The following CYFIP2 variants were observed in gnomAD, a reference collection of about 807,000 sequenced individuals.
CYFIP2 encodes cytoplasmic FMR1-interacting protein 2.
A neutral mutation model predicts 158.7 loss-of-function variants in CYFIP2; 29 were observed. The observed-to-expected ratio is 0.18, with a 90% confidence interval of 0.14 to 0.25. The LOEUF (loss-of-function observed/expected upper bound fraction) is 0.25, where lower values mean the gene tolerates loss of function less well. CYFIP2 is among the 10% of genes least tolerant of loss of function. The pLI is 1.00. For synonymous variants in CYFIP2, 585 were observed against 617.6 expected (o/e 0.95, Z 0.78); for missense variants, 852 against 1,639.5 (o/e 0.52, Z 8.29).
In CYFIP2 at chr5:157,266,676, C is replaced by G. The variant is rs1447129455; in HGVS notation, c.-24+481C>G. On this transcript the variant is annotated intron_variant, in intron 1 of 30. Transcript: ENST00000620254. The surrounding 1 kb of genome is among the most constrained non-coding windows in gnomAD (Gnocchi z 4.2). ...GAGCCGCCTGGGCCCGCCTGGCAGCCGCCTCGGGCACACAGAACGTGTGAT... is the reference window on the plus strand; with the variant it reads ...GAGCCGCCTGGGCCCGCCTGGCAGCGGCCTCGGGCACACAGAACGTGTGAT... 6.5e-6 allele frequency: 1 copy of G among 152,674 alleles called. No homozygotes were observed. Among genetic ancestry groups the G allele is most frequent in the Non-Finnish European group, 1.5e-5 (1 of 68,500 alleles). The allele number at this position is 152,674 out of a possible 1,614,324, so 9.5% of individuals were successfully genotyped here.
At chr5:157,352,957 C>T (rs549946888) in intron 23 of CYFIP2, among the ~76,000 whole-genome samples, 127 of 152,152 alleles carry the variant, frequency 8.3e-4, no homozygotes, top group Admixed American at 2.7e-3. Context: ...GCTGCAAGCC[C>T]GGGATTGCCG....
intron 21 of CYFIP2, 56 bp downstream of exon 21, chr5:157,333,502 C>A (rs979398415): frequency 2.5e-6 from 4 of 1,612,414 alleles, no homozygotes; most frequent in Non-Finnish European, 2.5e-6. Context: ...GACTAGAAGC[C>A]TAGATGGGGA....
At chr5:157,272,124 C>T (rs921296063) in intron 1 of CYFIP2, among the ~76,000 whole-genome samples, 7 of 152,184 alleles carry the variant, frequency 4.6e-5, no homozygotes, top group Non-Finnish European at 1.0e-4. Context: ...AGGGGAAAGT[C>T]CTTTAGCCCC....
chr5:157,319,621 C>T, intron 13 of CYFIP2, 141 bp from the exon 14 acceptor site: 1 of 937,718 alleles, frequency 1.1e-6, no homozygotes, highest in Non-Finnish European at 1.6e-6. Flanking sequence ...CTTACCTAGC[C>T]ATGCGCTGGC....
chr5:157,330,394 G>A (rs568814371), intron 19 of CYFIP2, among the ~76,000 whole-genome samples: 7 of 151,900 alleles, frequency 4.6e-5, no homozygotes, highest in East Asian at 1.9e-4. Flanking sequence ...TTCCTCACTC[G>A]AATATAAACT....
chr5:157,313,823 A>G (rs750338361), intron 11 of CYFIP2, among the ~76,000 whole-genome samples: 1 of 152,254 alleles, frequency 6.6e-6, no homozygotes, highest in Non-Finnish European at 1.5e-5. Flanking sequence ...TCAGTGATTC[A>G]TGTCTAATGA....
At chr5:157,292,197 T>A (rs559201145) in intron 3 of CYFIP2, among the ~76,000 whole-genome samples, 1 of 140,910 alleles carries the variant, frequency 7.1e-6, no homozygotes, top group African/African-American at 2.5e-5. Flanking sequence ...TTCTTTCTTT[T>A]TCTTTTTTCT....
chr5:157,388,307 G>A (rs1010680561), intron 28 of CYFIP2, among the ~76,000 whole-genome samples: 1 of 152,194 alleles, frequency 6.6e-6, no homozygotes, highest in African/African-American at 2.4e-5. Context: ...TAGATATGCA[G>A]TAGCCAGAAC....
intron 23 of CYFIP2, 64 bp from the exon 24 acceptor site, chr5:157,358,941 C>T: frequency 1.3e-6 from 2 of 1,597,282 alleles, no homozygotes; most frequent in Non-Finnish European, 8.6e-7. Context: ...AGAACATCTG[C>T]CAGGACTCCA....
At chr5:157,385,442 A>G (rs1010007785) in intron 28 of CYFIP2, among the ~76,000 whole-genome samples, 3 of 152,212 alleles carry the variant, frequency 2.0e-5, no homozygotes, top group Non-Finnish European at 4.4e-5. Context: ...TACTCGTAAG[A>G]TATCTAGGAG....
Position 157,361,735 on chromosome 5 carries a change from A to G in CYFIP2, c.3039+137A>G, listed in dbSNP as rs574083845. 59 of 1,127,994 alleles carry G rather than the reference A, an allele frequency of 5.2e-5. No homozygotes were observed. The African/African-American group carries it at 8.4e-4, about 16-fold the overall frequency. The allele number at this position is 1,127,994 out of a possible 1,614,324, so 69.9% of individuals were successfully genotyped here. On this transcript the variant is annotated intron_variant, in intron 26 of 30. Coordinates refer to ENST00000620254, the MANE Select transcript of CYFIP2 (RefSeq NM_001037333.3). The surrounding 1 kb of genome is among the most constrained non-coding windows in gnomAD (Gnocchi z 4.4). ...CATGCTCTTTTCAGTTCATTTCCAG[A>G]CAGACATGGATTCTAGTCCTGGCTC...
intron 26 of CYFIP2, among the ~76,000 whole-genome samples, chr5:157,372,953 A>G (rs1765131944): frequency 6.6e-6 from 1 of 152,220 alleles, no homozygotes; most frequent in Non-Finnish European, 1.5e-5. Context: ...GCTCTGTTTA[A>G]GAGAAATGTC....
At chr5:157,360,185 C>A in intron 24 of CYFIP2, 97 bp from the exon 25 acceptor site, 2 of 982,852 alleles carry the variant, frequency 2.0e-6, no homozygotes, top group Non-Finnish European at 3.0e-6. Context: ...CGCCTTTAGG[C>A]AAGAGCCTGC....
Position 157,394,835 on chromosome 5 carries a change from T to G in CYFIP2, c.*1835T>G, listed in dbSNP as rs1767619649. ...TCTATTCTGGTTTCTGACTTTTCCT[T>G]CTTGATGACCATAGATGTGTTCCAG... On this transcript the variant is annotated 3_prime_UTR_variant, in exon 31 of 31. Coordinates refer to ENST00000620254, the MANE Select transcript of CYFIP2 (RefSeq NM_001037333.3). 1 of 152,222 alleles carries G rather than the reference T, an allele frequency of 6.6e-6. No homozygotes were observed. The highest frequency in any genetic ancestry group is 2.4e-5 in the African/African-American group (1 of 41,450). 9.4% of individuals were successfully genotyped at this position (152,222 alleles called of 1,614,324 possible).
chr5:157,314,360 G>A lies in CYFIP2; in HGVS notation c.1127G>A (p.Gly376Glu). The A allele has an allele frequency of 6.2e-7, 1 of 1,613,844 alleles. No individual in the cohort carries two copies. Among genetic ancestry groups the A allele is most frequent in the African/African-American group, 1.3e-5 (1 of 75,030 alleles). ...GCTCCCCAGGTGGTGACGGGCTCAG[G>A]GCTGGACAGCCAGAAGTCAGACGAG... is the stretch of plus-strand genomic sequence containing the variant. The part of the protein sequence containing the change: ...YSNSEVVTGS[G>E]LDSQKSDEEY... The change falls in exon 12 of 31, where the codon GGG becomes GAG. Residue 376 changes from glycine (G) to glutamate (E), a missense_variant. Gly to Glu is a moderately conservative substitution (Grantham distance 98, BLOSUM62 -2). Coordinates refer to ENST00000620254, the MANE Select transcript of CYFIP2 (RefSeq NM_001037333.3).
chr5:157,322,913 C>T, intron 15 of CYFIP2: 3 of 1,527,116 alleles, frequency 2.0e-6, no homozygotes, highest in South Asian at 1.2e-5. Flanking sequence ...CTCCCATTCC[C>T]TCTTCCTTCT....
chr5:157,331,607 G>C (rs1400348860), intron 20 of CYFIP2, among the ~76,000 whole-genome samples: 2 of 152,038 alleles, frequency 1.3e-5, no homozygotes, highest in African/African-American at 2.4e-5. Flanking sequence ...ATCCAAGGGA[G>C]ATGGAGAATC....
At chr5:157,380,078 G>A (rs1488854922) in intron 26 of CYFIP2, 1 of 152,228 alleles carries the variant, frequency 6.6e-6, no homozygotes, top group Non-Finnish European at 1.5e-5. Flanking sequence ...CTGTTCCTGG[G>A]TGAGATGGCA....
intron 22 of CYFIP2, among the ~76,000 whole-genome samples, chr5:157,340,377 T>A (rs138153983): frequency 6.6e-6 from 1 of 152,340 alleles, no homozygotes; most frequent in African/African-American, 2.4e-5. Flanking sequence ...TGAGATAGAT[T>A]TCCAGTTCTA....
Sources: gnomAD v4.1 joint callset for allele counts (sites outside exome capture counted in the v4.1 genomes callset) on GRCh38, gnomAD v4.1.1 for gene constraint, Gnocchi (gnomAD v3.1) non-coding constraint, MANE v1.5 for transcripts, NCBI Gene and HGNC (gene_info 2026-07-23, HGNC 2026-07-21) for gene names.